Variants in FOXP2 observed in about 807,000 individuals in gnomAD.
FOXP2 encodes the protein forkhead box protein P2.
In FOXP2, 12 loss-of-function variants were observed where a neutral mutation model predicts 115.8. That is an observed-to-expected ratio of 0.10 (90% CI 0.07 to 0.17). FOXP2 has a LOEUF of 0.17. Ranked by LOEUF, FOXP2 falls within the 10% of genes least tolerant of loss-of-function variation. FOXP2 has a pLI of 1.00. For synonymous variants in FOXP2, 328 were observed against 297.7 expected (o/e 1.10, Z -1.05); for missense variants, 629 against 843.5 (o/e 0.75, Z 3.15).
chr7:114,297,648 T>C (rs1458175602), intron 2 of FOXP2, among the ~76,000 whole-genome samples: 1 of 152,190 alleles, frequency 6.6e-6, no homozygotes, highest in Non-Finnish European at 1.5e-5. Context: ...TAAAGTAACG[T>C]TGTCAGTTAA....
intron 3 of FOXP2, among the ~76,000 whole-genome samples, chr7:114,627,562 T>G (rs1313129056): frequency 6.6e-6 from 1 of 152,190 alleles, no homozygotes; most frequent in Admixed American, 6.5e-5. Context: ...CTCTTCCTAT[T>G]TCTTCACATC....
chr7:114,649,403 G>A (rs1268507317), intron 8 of FOXP2, among the ~76,000 whole-genome samples: 1 of 152,062 alleles, frequency 6.6e-6, no homozygotes, highest in Non-Finnish European at 1.5e-5. Context: ...ATGTCCCTTT[G>A]CATATGCATT....
chr7:114,236,841 G>C (rs1400741910), intron 1 of FOXP2, among the ~76,000 whole-genome samples: 1 of 152,066 alleles, frequency 6.6e-6, no homozygotes, highest in Non-Finnish European at 1.5e-5. Context: ...GCTGGGCGTG[G>C]TGGTGGACAC....
At chr7:114,630,845 A>G (rs1353091931) in intron 5 of FOXP2, among the ~76,000 whole-genome samples, 2 of 152,078 alleles carry the variant, frequency 1.3e-5, no homozygotes, top group Non-Finnish European at 2.9e-5. Flanking sequence ...CTTTTCCCCA[A>G]ACTAAAAAGG....
intron 1 of FOXP2, among the ~76,000 whole-genome samples, chr7:114,220,392 T>C (rs909400792): frequency 6.6e-6 from 1 of 152,216 alleles, no homozygotes; most frequent in Admixed American, 6.5e-5. Context: ...GATTCATGAC[T>C]GGAATCATGC....
chr7:114,400,854 C>A (rs1209155287), intron 2 of FOXP2, among the ~76,000 whole-genome samples: 4 of 151,994 alleles, frequency 2.6e-5, no homozygotes, highest in East Asian at 3.9e-4. Flanking sequence ...GTACAGGGAC[C>A]ACTGCAATGG....
chr7:114,691,301 G>T lies in FOXP2; in HGVS notation c.*1375G>T, dbSNP rs777030847. On this transcript the variant is annotated 3_prime_UTR_variant, in exon 17 of 17. Transcript: ENST00000350908. ...CAAAAAGTAGGAACCAAACATAAAAGGTCTAGTAAAGCCAAAAATTAATTT... is the reference window on the plus strand; with the variant it reads ...CAAAAAGTAGGAACCAAACATAAAATGTCTAGTAAAGCCAAAAATTAATTT... 1 of 451,986 alleles carries T rather than the reference G, an allele frequency of 2.2e-6. No individual in the cohort carries two copies. The highest frequency in any genetic ancestry group is 2.0e-5 in the African/African-American group (1 of 49,726). The allele number at this position is 451,986 out of a possible 1,614,324, so 28.0% of individuals were successfully genotyped here.
chr7:114,248,793 T>C lies in FOXP2; in HGVS notation c.-101-39226T>C, dbSNP rs139640623. 3.0e-3 allele frequency among the ~76,000 whole-genome samples: 462 copies of C among 152,334 alleles called. 2 individuals are homozygous for C. Among genetic ancestry groups the C allele is most frequent in the African/African-American group, 0.011 (441 of 41,582 alleles). ...GCCAGGCATTGTTCTAAGAACATTA[T>C]ATGTTTTTACTGTTTTTATCCTCAC... is the stretch of plus-strand genomic sequence containing the variant. On this transcript the variant is annotated intron_variant, in intron 1 of 17. Coordinates refer to the FOXP2 transcript ENST00000634411.
chr7:114,575,825 C>A (rs1801549084), intron 3 of FOXP2, among the ~76,000 whole-genome samples: 1 of 151,904 alleles, frequency 6.6e-6, no homozygotes, highest in African/African-American at 2.4e-5. Flanking sequence ...TAAATTACTA[C>A]TTATCAGTGT....
chr7:114,286,648 A>C (rs1388504943), intron 1 of FOXP2, among the ~76,000 whole-genome samples: 1 of 152,070 alleles, frequency 6.6e-6, no homozygotes, highest in Non-Finnish European at 1.5e-5. Flanking sequence ...TGTGGACAAC[A>C]GAACCAATAG....
chr7:114,664,228 AAAT>A, intron 15 of FOXP2, 42 bp from the exon 16 acceptor site: 2 of 1,600,160 alleles, frequency 1.2e-6, no homozygotes, highest in Non-Finnish European at 1.7e-6. Flanking sequence ...AAATTATTTT[AAAT>A]GCCATTTTGA....
At chr7:114,362,736 G>A (rs140747678) in intron 2 of FOXP2, among the ~76,000 whole-genome samples, 28 of 152,032 alleles carry the variant, frequency 1.8e-4, no homozygotes, top group East Asian at 1.4e-3. Flanking sequence ...ATAAAAAATC[G>A]AACTTTTAAA....
chr7:114,099,401 G>A (rs182089299), intron 1 of FOXP2, among the ~76,000 whole-genome samples: 58 of 152,246 alleles, frequency 3.8e-4, no homozygotes, highest in Admixed American at 8.5e-4. Context: ...TGCAGAAAAG[G>A]CACCTCTTGT....
At chr7:114,248,485 G>A (rs1208225990) in intron 1 of FOXP2, among the ~76,000 whole-genome samples, 5 of 152,158 alleles carry the variant, frequency 3.3e-5, no homozygotes, top group African/African-American at 7.2e-5. Flanking sequence ...AACTCAATAC[G>A]TGATAATTTA....
intron 1 of FOXP2, among the ~76,000 whole-genome samples, chr7:114,277,642 A>G (rs1238781788): frequency 6.6e-6 from 1 of 152,086 alleles, no homozygotes; most frequent in African/African-American, 2.4e-5. Flanking sequence ...AATCTTTTTC[A>G]GTTCTAACAC....
chr7:114,660,193 A>G (rs747176600), intron 13 of FOXP2, among the ~76,000 whole-genome samples: 1 of 152,156 alleles, frequency 6.6e-6, no homozygotes, highest in Non-Finnish European at 1.5e-5. Context: ...AATGCAGTTT[A>G]TTTACTTAGA....
At chr7:114,283,646 A>C (rs1170559857) in intron 1 of FOXP2, among the ~76,000 whole-genome samples, 1 of 152,110 alleles carries the variant, frequency 6.6e-6, no homozygotes, top group African/African-American at 2.4e-5. Flanking sequence ...AATTACTAGA[A>C]AAAAATTAAA....
At chr7:114,231,208 A>G (rs1794867237) in intron 1 of FOXP2, among the ~76,000 whole-genome samples, 1 of 152,104 alleles carries the variant, frequency 6.6e-6, no homozygotes, top group South Asian at 2.1e-4. Flanking sequence ...AAAAACTACA[A>G]AATATTACTG....
intron 3 of FOXP2, among the ~76,000 whole-genome samples, chr7:114,557,665 C>T (rs185747064): frequency 6.6e-6 from 1 of 152,142 alleles, no homozygotes; most frequent in Non-Finnish European, 1.5e-5. Context: ...TTACTTTATG[C>T]TTGGTACTAC....
Sources: allele counts gnomAD v4.1 joint callset (sites outside exome capture counted in the v4.1 genomes callset), GRCh38; gene constraint gnomAD v4.1.1; transcripts MANE v1.5; gene names NCBI Gene and HGNC (gene_info 2026-07-23, HGNC 2026-07-21).